Variants in GCKR observed in about 807,000 individuals in gnomAD.
The protein encoded by GCKR is glucokinase regulator, also known as glucokinase regulatory protein.
A neutral mutation model predicts 82.9 loss-of-function variants in GCKR; 73 were observed. That is an observed-to-expected ratio of 0.88 (90% confidence interval 0.73 to 1.07). GCKR has a LOEUF of 1.07. GCKR is among the 50% of genes least tolerant of loss of function. GCKR has a pLI of 0.00. For missense variants in GCKR, 784 were observed against 782.1 expected, an observed-to-expected ratio of 1.00 and a Z score of -0.03; for synonymous variants, 294 against 291.8, an observed-to-expected ratio of 1.01 and a Z score of -0.08.
At chr2:27,511,008 G>A (rs1280146005) in intron 16 of GCKR, among the ~76,000 whole-genome samples, 1 of 151,638 alleles carries the variant, frequency 6.6e-6, no homozygotes, top group African/African-American at 2.4e-5. Flanking sequence ...TTTGCCTTTT[G>A]GTTGATGTTG....
rs1202455493 is a variant in GCKR, at chr2:27,506,282, GCT to G, written c.870-196_870-195del. On this transcript the variant is annotated intron_variant, in intron 10 of 18. Coordinates refer to ENST00000264717, the MANE Select transcript of GCKR (RefSeq NM_001486.4). ...TCCTGCTGCACTCGTCCCTCTTTCT[GCT>G]CTTTTGTTTTCTGCCCATTGAAGAA... is the stretch of plus-strand genomic sequence containing the variant. Among the ~76,000 whole-genome samples the G allele has an allele frequency of 9.9e-5, 15 of 152,250 alleles. No homozygotes were observed. In the East Asian group the frequency reaches 2.3e-3, roughly 24 times the overall value.
intron 7 of GCKR, among the ~76,000 whole-genome samples, chr2:27,499,853 G>A (rs967007564): frequency 1.3e-5 from 2 of 152,072 alleles, no homozygotes; most frequent in African/African-American, 4.8e-5. Flanking sequence ...CACCTCCCAG[G>A]TTCAAGCGAT....
intron 17 of GCKR, among the ~76,000 whole-genome samples, chr2:27,521,303 T>A (rs1670146794): frequency 6.6e-6 from 1 of 151,806 alleles, no homozygotes; most frequent in Admixed American, 6.6e-5. Flanking sequence ...AGCGGGCAGA[T>A]CACAAGGTCA....
intron 4 of GCKR, 57 bp downstream of exon 4, chr2:27,498,380 G>C: frequency 1.5e-6 from 2 of 1,318,392 alleles, no homozygotes; most frequent in Non-Finnish European, 2.2e-6. Context: ...TGACCCTCAG[G>C]ACCATAAAGA....
intron 8 of GCKR, among the ~76,000 whole-genome samples, chr2:27,501,496 A>G (rs1315482416): frequency 6.6e-6 from 1 of 152,268 alleles, no homozygotes; most frequent in African/African-American, 2.4e-5. Flanking sequence ...CAGGGATTGA[A>G]GAGGCAAGAG....
rs776995623 is a variant in GCKR, at chr2:27,498,732, T to C, written c.363T>C (p.Phe121=). ...GRMAFLMSVS[F]NQLMKGLGQK... is the part of the protein sequence containing the mutation. ...CTCTCCCTGCTTGACAGGTGTCCTTTAATCAGCTGATGAAAGGTCTGGGAC... is the reference window on the plus strand; with the variant it reads ...CTCTCCCTGCTTGACAGGTGTCCTTCAATCAGCTGATGAAAGGTCTGGGAC... Residue 121 remains phenylalanine, a synonymous_variant, in exon 5 of 19, where the codon TTT becomes TTC. Transcript: ENST00000264717. The C allele has an allele frequency of 6.3e-7, 1 of 1,598,938 alleles. No individual in the cohort carries two copies. The highest frequency in any genetic ancestry group is 8.6e-7 in the Non-Finnish European group (1 of 1,166,146).
At chr2:27,498,868 C>T (rs1669493845) in intron 5 of GCKR, 71 bp downstream of exon 5, 1 of 914,980 alleles carries the variant, frequency 1.1e-6, no homozygotes, top group Non-Finnish European at 1.8e-6. Flanking sequence ...GTTGGAATAC[C>T]TTTAGACAGA....
chr2:27,516,290 T>C (rs964414188), intron 16 of GCKR, among the ~76,000 whole-genome samples: 1 of 134,080 alleles, frequency 7.5e-6, no homozygotes, highest in Non-Finnish European at 1.6e-5. Flanking sequence ...CTTGTTTTTT[T>C]TTTTTTTTTT....
In GCKR at chr2:27,499,451, G is replaced by A; in HGVS notation, c.549+1G>A. Reference sequence around the variant, plus strand: ...CATTGGCATTTCTGTGGGACTCTCTGTGAGTAAAAAGATGGGTTGAGTGGA... The same window carrying A: ...CATTGGCATTTCTGTGGGACTCTCTATGAGTAAAAAGATGGGTTGAGTGGA... On this transcript the variant is annotated splice_donor_variant, in intron 7 of 18. Coordinates refer to ENST00000264717, the MANE Select transcript of GCKR (RefSeq NM_001486.4). LOFTEE classifies it high-confidence loss of function. 6.2e-7 allele frequency: 1 copy of A among 1,604,524 alleles called. No individual in the cohort carries two copies. The highest frequency in any genetic ancestry group is 1.1e-5 in the South Asian group (1 of 90,894).
At position 27,523,303 on chromosome 2, in the gene GCKR, G is replaced by A. The variant is rs1266293355; in HGVS notation, c.1742G>A (p.Arg581Gln). ...IPIALLSLLF[R>Q]CSITEAQAHL... is the part of the protein sequence containing the mutation. The stretch of plus-strand genomic sequence containing the variant: ...ATCGCCTTGCTGAGCCTCCTATTCC[G>A]GTGCTCGATCACTGAGGCTCAGGCA... Residue 581 changes from arginine (R) to glutamine (Q), a missense_variant, in exon 19 of 19, where the codon CGG becomes CAG. Physicochemically the swap from Arg to Gln is conservative, Grantham distance 43. Coordinates refer to ENST00000264717, the MANE Select transcript of GCKR (RefSeq NM_001486.4). The A allele has an allele frequency of 6.2e-6, 10 of 1,612,888 alleles. No homozygotes were observed. The highest frequency in any genetic ancestry group is 5.5e-5 in the South Asian group (5 of 91,058).
intron 18 of GCKR, 118 bp from the exon 19 acceptor site, chr2:27,523,151 G>A (rs1299761757): frequency 3.6e-5 from 29 of 799,988 alleles, no homozygotes; most frequent in African/African-American, 6.8e-5. Flanking sequence ...TGCCCACCTC[G>A]GCCTCCCAAA....
At position 27,506,574 on chromosome 2, in the gene GCKR, C is replaced by T. The variant is rs1212517032; in HGVS notation, c.963C>T (p.Ser321=). ...TTGCCACCCTGATGAAGAGTGTCAG[C>T]ACCAGGTGTGTGGATATGTGTTTAG... The part of the protein sequence containing the change: ...PKIATLMKSV[S]TSLEKKGHVY... The change falls in exon 11 of 19, where the codon AGC becomes AGT. Residue 321 remains serine, a synonymous_variant. Coordinates refer to ENST00000264717, the MANE Select transcript of GCKR (RefSeq NM_001486.4). 1.4e-5 allele frequency: 23 copies of T among 1,602,258 alleles called. No homozygotes were observed. Among genetic ancestry groups the T allele is most frequent in the Non-Finnish European group, 1.8e-5 (21 of 1,169,250 alleles).
In GCKR at chr2:27,508,242, C is replaced by A. The variant is rs1162419786; in HGVS notation, c.1413C>A (p.Asn471Lys). Reference sequence around the variant, plus strand: ...TGCTTTTCTTTGAATATGAAGGGAACTTCATCCAGGTATGGGGAATGAGAA... The same window carrying A: ...TGCTTTTCTTTGAATATGAAGGGAAATTCATCCAGGTATGGGGAATGAGAA... ...WPLLFFEYEG[N>K]FIQKFQRELS... is the part of the protein sequence containing the mutation. Residue 471 changes from asparagine to lysine, a missense_variant, in exon 16 of 19, where the codon AAC becomes AAA. By Grantham distance (94) the Asn-to-Lys change is moderately conservative. Transcript: ENST00000264717. 1.3e-6 allele frequency: 2 copies of A among 1,596,418 alleles called. No homozygotes were observed. Among genetic ancestry groups the A allele is most frequent in the Non-Finnish European group, 1.7e-6 (2 of 1,163,852 alleles).
chr2:27,501,763 A>G (rs1311617954), intron 8 of GCKR: 2 of 471,354 alleles, frequency 4.2e-6, no homozygotes, highest in Non-Finnish European at 8.8e-6. Context: ...TCATTACCAA[A>G]TCACCTCCCT....
At chr2:27,515,918 C>G (rs1465509539) in intron 16 of GCKR, among the ~76,000 whole-genome samples, 3 of 149,468 alleles carry the variant, frequency 2.0e-5, no homozygotes, top group Non-Finnish European at 4.5e-5. Flanking sequence ...CACATGCCAC[C>G]ATGCCTGGCT....
Position 27,507,678 on chromosome 2 carries a change from C to G in GCKR, c.1144-3C>G. The stretch of plus-strand genomic sequence containing the variant: ...GGGACCCTCCCATCTTCTTCTGCCC[C>G]AGGGTCCCCAGTTCACCTTCTCCCA... On this transcript the variant is annotated splice_polypyrimidine_tract_variant and splice_region_variant and intron_variant, in intron 13 of 18. Transcript: ENST00000264717. The G allele has an allele frequency of 6.4e-7, 1 of 1,559,312 alleles. No homozygotes were observed. Among genetic ancestry groups the G allele is most frequent in the Non-Finnish European group, 8.8e-7 (1 of 1,130,758 alleles).
Position 27,506,849 on chromosome 2 carries a change from A to G in GCKR, c.1030A>G (p.Met344Val), listed in dbSNP as rs1669759920. The part of the protein sequence containing the change: ...GWQTLGIIAI[M>V]DGVECIHTFG... ...GCAGACCCTGGGCATCATTGCCATC[A>G]TGGATGGAGTAGAGTGCATCCACAC... is the stretch of plus-strand genomic sequence containing the variant. Residue 344 changes from methionine (M) to valine (V), a missense_variant, in exon 12 of 19, where the codon ATG (methionine) becomes GTG (valine). Transcript: ENST00000264717. 1.2e-6 allele frequency: 2 copies of G among 1,613,138 alleles called. No homozygotes were observed. Among genetic ancestry groups the G allele is most frequent in the Non-Finnish European group, 1.7e-6 (2 of 1,179,104 alleles).
intron 16 of GCKR, among the ~76,000 whole-genome samples, chr2:27,517,908 T>C (rs2148591912): frequency 6.6e-6 from 1 of 152,382 alleles, no homozygotes; most frequent in Non-Finnish European, 1.5e-5. Context: ...TAGGTCCTCA[T>C]TCTCCATCTC....
intron 13 of GCKR, 70 bp from the exon 14 acceptor site, chr2:27,507,611 C>T (rs1216213811): frequency 1.2e-6 from 1 of 846,268 alleles, no homozygotes; most frequent in African/African-American, 1.7e-5. Flanking sequence ...TCCACGGCCC[C>T]CTTTAGTCCT....
Sources: gnomAD v4.1 joint callset for allele counts (sites outside exome capture counted in the v4.1 genomes callset) on GRCh38, gnomAD v4.1.1 for gene constraint, MANE v1.5 for transcripts, NCBI Gene and HGNC (gene_info 2026-07-23, HGNC 2026-07-21) for gene names.